The following TBC1D8B variants were observed in gnomAD, a reference collection of about 807,000 sequenced individuals.
TBC1D8B encodes RP11-321G1.1.
TBC1D8B carries 75 observed loss-of-function variants against 82.9 expected under a neutral mutation model. That is an observed-to-expected ratio of 0.90 (90% CI 0.75 to 1.10). The LOEUF (loss-of-function observed/expected upper bound fraction) is 1.10, where lower values mean the gene tolerates loss of function less well. TBC1D8B is among the 50% of genes least tolerant of loss of function. TBC1D8B has a pLI of 0.00. For missense variants in TBC1D8B, 794 were observed against 796.9 expected (o/e 1.00, Z 0.04); for synonymous variants, 276 against 276.8 (o/e 1.00, Z 0.03).
intron 7 of TBC1D8B, among the ~76,000 whole-genome samples, chrX:106,838,031 T>C (rs1340526912): frequency 8.9e-6 from 1 of 111,857 alleles, no homozygotes; most frequent in African/African-American, 3.2e-5. Context: ...GTGTGTAATG[T>C]TGTTTTAATT....
chrX:106,821,962 T>C lies in TBC1D8B; in HGVS notation c.361-15T>C, dbSNP rs1374967988. ...GTAGGTGATGAATTTTCAGAAAATA[T>C]TTTGTCTCCTTTAGGGATTAATTGC... On this transcript the variant is annotated splice_polypyrimidine_tract_variant and intron_variant, in intron 3 of 20. Coordinates refer to ENST00000357242, the MANE Select transcript of TBC1D8B (RefSeq NM_017752.3). 2 of 1,173,588 alleles carry C rather than the reference T, an allele frequency of 1.7e-6. No individual in the cohort carries two copies. Among genetic ancestry groups the C allele is most frequent in the African/African-American group, 3.6e-5 (2 of 56,049 alleles).
At chrX:106,811,417 AC>A (rs1352738823) in intron 1 of TBC1D8B, among the ~76,000 whole-genome samples, 1 of 111,241 alleles carries the variant, frequency 9.0e-6, no homozygotes, top group African/African-American at 3.3e-5. Context: ...TCCCAGCTAC[AC>A]GGAAGGCTGG....
At chrX:106,858,335 C>T (rs1320695585) in intron 14 of TBC1D8B, among the ~76,000 whole-genome samples, 4 of 111,735 alleles carry the variant, frequency 3.6e-5, no homozygotes, top group African/African-American at 1.3e-4. Flanking sequence ...TGCAGTGGTG[C>T]GATCTTGGCT....
chrX:106,858,454 A>C (rs1932739192), intron 14 of TBC1D8B, among the ~76,000 whole-genome samples: 1 of 111,637 alleles, frequency 9.0e-6, no homozygotes, highest in African/African-American at 3.3e-5. Context: ...TTGTATTTTT[A>C]GTAGAGACGG....
chrX:106,866,253 AG>A (rs1475564812), intron 16 of TBC1D8B, among the ~76,000 whole-genome samples: 1 of 111,452 alleles, frequency 9.0e-6, no homozygotes, highest in African/African-American at 3.3e-5. Context: ...GAGTGTTTTA[AG>A]GGTTAACATA....
intron 8 of TBC1D8B, 64 bp from the exon 9 acceptor site, chrX:106,839,984 A>G: frequency 1.8e-6 from 2 of 1,083,831 alleles, no homozygotes; most frequent in Non-Finnish European, 2.5e-6. Context: ...GAGAGTGGGA[A>G]AGTTATTTTG....
chrX:106,809,908 A>G (rs1024591808), intron 1 of TBC1D8B, among the ~76,000 whole-genome samples: 6 of 109,352 alleles, frequency 5.5e-5, no homozygotes, highest in Non-Finnish European at 1.1e-4. Context: ...AAAAAAAGAC[A>G]GAAATAGTTC....
At chrX:106,830,460 A>G (rs373590572) in intron 7 of TBC1D8B, among the ~76,000 whole-genome samples, 1 of 111,273 alleles carries the variant, frequency 9.0e-6, no homozygotes, top group Non-Finnish European at 1.9e-5. Flanking sequence ...TACCCAAAGG[A>G]CTATAAATCA....
chrX:106,825,890 A>G, intron 5 of TBC1D8B, 140 bp from the exon 6 acceptor site: 2 of 429,828 alleles, frequency 4.7e-6, no homozygotes, highest in Non-Finnish European at 3.7e-6. Context: ...CTATTTCAGA[A>G]TTTGTTGAAA....
intron 2 of TBC1D8B, among the ~76,000 whole-genome samples, chrX:106,819,892 A>G (rs1328922738): frequency 2.7e-5 from 3 of 111,069 alleles, no homozygotes; most frequent in African/African-American, 9.8e-5. Context: ...TTACCTACTA[A>G]TGAAGCTTCC....
Position 106,853,583 on chromosome X carries a change from A to C in TBC1D8B, c.2186A>C (p.Asn729Thr). ...PLPSNVQQGSNVSDEKTSHTR... is the reference protein window; with the variant it reads ...PLPSNVQQGSTVSDEKTSHTR... ...CCTTCAAATGTTCAGCAAGGTTCAAATGTGAGTGATGAAAAAACCAGTCAT... is the reference window on the plus strand; with the variant it reads ...CCTTCAAATGTTCAGCAAGGTTCAACTGTGAGTGATGAAAAAACCAGTCAT... The change falls in exon 13 of 21, where the codon AAT becomes ACT. Residue 729 changes from asparagine (N) to threonine (T), a missense_variant. Transcript: ENST00000357242. 1 of 1,207,287 alleles carries C rather than the reference A, an allele frequency of 8.3e-7. No individual in the cohort carries two copies. Among genetic ancestry groups the C allele is most frequent in the Non-Finnish European group, 1.1e-6 (1 of 891,552 alleles).
intron 12 of TBC1D8B, among the ~76,000 whole-genome samples, chrX:106,852,728 A>G (rs1412522270): frequency 5.5e-5 from 6 of 109,275 alleles, no homozygotes; most frequent in Admixed American, 9.8e-5. Flanking sequence ...ATAGTTGTAG[A>G]TATGCGGCAT....
rs767799462 is a variant in TBC1D8B at position 106,850,285 on chromosome X, G to A, written c.2098G>A (p.Ala700Thr). ...CAAACTGCTGACTTGTAAAGATGAT[G>A]CTGAAGCTGTGACAGCCTTAAACAG... is the stretch of plus-strand genomic sequence containing the variant. ...LDKLLTCKDD[A>T]EAVTALNRFF... The change falls in exon 12 of 21, where the codon GCT (alanine) becomes ACT (threonine). Residue 700 changes from alanine (A) to threonine (T), a missense_variant. Transcript: ENST00000357242. 8.3e-7 allele frequency: 1 copy of A among 1,206,770 alleles called. No homozygotes were observed. The highest frequency in any genetic ancestry group is 1.1e-6 in the Non-Finnish European group (1 of 893,478).
At chrX:106,861,689 G>A (rs1214901765) in intron 14 of TBC1D8B, among the ~76,000 whole-genome samples, 6 of 111,589 alleles carry the variant, frequency 5.4e-5, no homozygotes, top group Admixed American at 2.9e-4. Context: ...TTGCCACTCT[G>A]TGCCTTTTAA....
chrX:106,805,440 T>G (rs1160506106), intron 1 of TBC1D8B, among the ~76,000 whole-genome samples: 2 of 110,699 alleles, frequency 1.8e-5, no homozygotes, highest in Non-Finnish European at 3.8e-5. Flanking sequence ...TTTACCTCTA[T>G]CCTGCCCACT....
At chrX:106,842,225 G>C (rs2147753734) in intron 10 of TBC1D8B, among the ~76,000 whole-genome samples, 1 of 110,185 alleles carries the variant, frequency 9.1e-6, no homozygotes, top group East Asian at 2.9e-4. Flanking sequence ...TACAAAAGAA[G>C]CATAATGCTT....
rs55764545 is a variant in TBC1D8B, at chrX:106,842,601, CTCTATCTATCTATCTA to C, written c.1719+1755_1719+1770del. 3.1e-3 allele frequency among the ~76,000 whole-genome samples: 299 copies of C among 95,325 alleles called. 1 individual carries two copies. Among genetic ancestry groups the C allele is most frequent in the African/African-American group, 8.2e-3 (216 of 26,476 alleles). 82.8% of individuals were successfully genotyped at this position (95,325 alleles called of 115,157 possible). The stretch of plus-strand genomic sequence containing the variant: ...GTGAGACACATGGCTGGCTAGCTTG[CTCTATCTATCTATCTA>C]TCTATCTATCTATCTATCTATCTAT... On this transcript the variant is annotated intron_variant, in intron 10 of 20. Coordinates refer to ENST00000357242, the MANE Select transcript of TBC1D8B (RefSeq NM_017752.3).
Position 106,874,011 on chromosome X carries a change from T to A in TBC1D8B, c.*46T>A. ...ATAGACAAGTTTACTAACATTCCTG[T>A]AGCTGTCAGTTTGATTCCTGTGAGT... On this transcript the variant is annotated 3_prime_UTR_variant, in exon 21 of 21. Coordinates refer to ENST00000357242, the MANE Select transcript of TBC1D8B (RefSeq NM_017752.3). 8.9e-7 allele frequency: 1 copy of A among 1,129,571 alleles called. No homozygotes were observed. Among genetic ancestry groups the A allele is most frequent in the South Asian group, 2.2e-5 (1 of 45,238 alleles). The allele number at this position is 1,129,571 out of a possible 1,213,427, so 93.1% of individuals were successfully genotyped here. A position where few individuals can be genotyped will look rare whatever the true frequency, so the allele number is the denominator to read the frequency against.
chrX:106,832,179 A>G (rs1457417698), intron 7 of TBC1D8B, among the ~76,000 whole-genome samples: 1 of 111,528 alleles, frequency 9.0e-6, no homozygotes. Flanking sequence ...ATATGAATAC[A>G]GGAAGTACTT....
Sources: allele counts gnomAD v4.1 joint callset (sites outside exome capture counted in the v4.1 genomes callset), GRCh38; gene constraint gnomAD v4.1.1; transcripts MANE v1.5; gene names NCBI Gene and HGNC (gene_info 2026-07-23, HGNC 2026-07-21).